MTHFD1: variants seen among roughly 807,000 people sequenced by gnomAD.
MTHFD1 encodes methylenetetrahydrofolate dehydrogenase, cyclohydrolase and formyltetrahydrofolate synthetase 1, also known as C-1-tetrahydrofolate synthase, cytoplasmic.
A neutral mutation model predicts 110.3 loss-of-function variants in MTHFD1; 44 were observed. That is an observed-to-expected ratio of 0.40 (90% CI 0.31 to 0.51). The LOEUF is 0.51. MTHFD1 is among the 20% of genes least tolerant of loss of function. The pLI is 0.60. For missense variants in MTHFD1, 909 were observed against 1,173.1 expected (o/e 0.77, Z 3.29); for synonymous variants, 402 against 428.8 (o/e 0.94, Z 0.77).
intron 8 of MTHFD1, among the ~76,000 whole-genome samples, chr14:64,421,455 C>T (rs1300173253): frequency 6.6e-6 from 1 of 152,204 alleles, no homozygotes; most frequent in African/African-American, 2.4e-5. Flanking sequence ...TAACCTCCCT[C>T]CCACTCTCCC....
chr14:64,458,088 A>C (rs542587888), intron 26 of MTHFD1, 126 bp from the exon 27 acceptor site: 1 of 786,502 alleles, frequency 1.3e-6, no homozygotes, highest in Non-Finnish European at 2.3e-6. Flanking sequence ...TGGGGGTCTC[A>C]CTATGTTGCC....
In MTHFD1 at chr14:64,454,742, T is replaced by C; in HGVS notation, c.2585T>C (p.Ile862Thr). ...YTKQGFGNLP[I>T]CMAKTHLSLS... ...CCCCAGGGCTTTGGGAATCTCCCCA[T>C]CTGCATGGCTAAAACACACTTGTCT... Residue 862 changes from isoleucine to threonine, a missense_variant, in exon 26 of 28, where the codon ATC (isoleucine) becomes ACC (threonine). By Grantham distance (89) the Ile-to-Thr change is moderately conservative. This residue lies in a region of MTHFD1 where 482 missense variants were observed against 646.0 expected (regional missense o/e 0.75). Transcript: ENST00000652337. 1.9e-6 allele frequency: 3 copies of C among 1,613,990 alleles called. No homozygotes were observed. The highest frequency in any genetic ancestry group is 2.2e-5 in the South Asian group (2 of 91,082).
intron 27 of MTHFD1, chr14:64,458,641 A>G (rs2078513416): frequency 2.6e-6 from 1 of 384,528 alleles, no homozygotes; most frequent in Non-Finnish European, 4.9e-6. Context: ...TGGGGTTCAG[A>G]GTTGATGACA....
chr14:64,419,666 T>G, intron 7 of MTHFD1, 148 bp from the exon 8 acceptor site: 3 of 683,326 alleles, frequency 4.4e-6, no homozygotes, highest in Non-Finnish European at 8.0e-6. Flanking sequence ...GTGGCTTACA[T>G]TTGAGGCCTT....
At chr14:64,419,122 TGC>T (rs1258354309) in intron 7 of MTHFD1, 1 of 155,366 alleles carries the variant, frequency 6.4e-6, no homozygotes, top group Non-Finnish European at 1.4e-5. Context: ...CTTCCTAAAG[TGC>T]TGAGATTACA....
intron 2 of MTHFD1, among the ~76,000 whole-genome samples, 176 bp from the exon 3 acceptor site, chr14:64,410,914 A>G (rs965255601): frequency 2.0e-5 from 3 of 152,108 alleles, no homozygotes; most frequent in Non-Finnish European, 4.4e-5. Flanking sequence ...CTGTAACACC[A>G]TCTGTGTTCA....
intron 13 of MTHFD1, among the ~76,000 whole-genome samples, chr14:64,430,506 CA>C (rs1264582981): frequency 5.3e-5 from 8 of 150,182 alleles, no homozygotes; most frequent in African/African-American, 2.0e-4. Context: ...CCGTGTTGGC[CA>C]AGCTGGTCTT....
intron 1 of MTHFD1, among the ~76,000 whole-genome samples, chr14:64,391,658 C>A (rs2077806522): frequency 6.6e-6 from 1 of 152,192 alleles, no homozygotes; most frequent in East Asian, 1.9e-4. Context: ...TGGGTACTTA[C>A]ATGATGGATT....
chr14:64,413,591 A>C (rs564802842), intron 4 of MTHFD1, among the ~76,000 whole-genome samples: 2 of 152,216 alleles, frequency 1.3e-5, no homozygotes, highest in Non-Finnish European at 2.9e-5. Context: ...CACTAGCCCC[A>C]TGAGGCTATT....
chr14:64,399,683 A>G (rs2077882262), intron 1 of MTHFD1, among the ~76,000 whole-genome samples: 1 of 151,884 alleles, frequency 6.6e-6, no homozygotes. Flanking sequence ...AAAAGAAAAA[A>G]GAAAAAGATT....
At chr14:64,421,624 A>AT (rs202091130) in intron 8 of MTHFD1, among the ~76,000 whole-genome samples, 198 of 145,480 alleles carry the variant, frequency 1.4e-3, no homozygotes, top group Middle Eastern at 3.5e-3. Flanking sequence ...TATTTTTTTA[A>AT]TTTTTTTTTT....
At chr14:64,388,703 G>A in intron 1 of MTHFD1, 1 of 597,646 alleles carries the variant, frequency 1.7e-6, no homozygotes, top group East Asian at 2.8e-5. Context: ...GTCCTGTGCC[G>A]ACTATGCTCC....
intron 23 of MTHFD1, 146 bp from the exon 24 acceptor site, chr14:64,449,299 G>A (rs891428074): frequency 1.8e-5 from 16 of 873,282 alleles, no homozygotes; most frequent in Admixed American, 3.9e-5. Flanking sequence ...AGTAAGTTTC[G>A]GAGCTGAGAT....
At chr14:64,412,301 C>T (rs971202009) in intron 3 of MTHFD1, among the ~76,000 whole-genome samples, 171 bp from the exon 4 acceptor site, 1 of 152,106 alleles carries the variant, frequency 6.6e-6, no homozygotes, top group Non-Finnish European at 1.5e-5. Context: ...GCAGTGGTGG[C>T]AATTAACAAG....
At chr14:64,458,436 T>TGAAGTCTGAAAAGGGGAGGGGG in intron 27 of MTHFD1, 129 bp downstream of exon 27, 1 of 744,644 alleles carries the variant, frequency 1.3e-6, no homozygotes, top group South Asian at 1.4e-5. Context: ...CAGACTTCCC[T>TGAAGTCTGAAAAGGGGAGGGGG]GAGGGGAGAG....
chr14:64,452,622 C>T, intron 24 of MTHFD1, among the ~76,000 whole-genome samples: 1 of 152,216 alleles, frequency 6.6e-6, no homozygotes, highest in East Asian at 1.9e-4. Context: ...TGGACATGCC[C>T]AATGCGTGTT....
intron 3 of MTHFD1, among the ~76,000 whole-genome samples, chr14:64,411,474 G>T (rs1172282688): frequency 6.6e-6 from 1 of 152,166 alleles, no homozygotes; most frequent in African/African-American, 2.4e-5. Flanking sequence ...CTCCGAAGAT[G>T]ATTTCGAGTT....
intron 22 of MTHFD1, among the ~76,000 whole-genome samples, chr14:64,445,736 C>A (rs1006433758): frequency 6.6e-6 from 1 of 152,176 alleles, no homozygotes. Flanking sequence ...GCCCTCCTGC[C>A]ACCCCACAGC....
At chr14:64,448,098 G>T in intron 22 of MTHFD1, 119 bp from the exon 23 acceptor site, 1 of 747,582 alleles carries the variant, frequency 1.3e-6, no homozygotes, top group African/African-American at 1.7e-5. Flanking sequence ...TTCTTTCTTG[G>T]CCTCCTTGTC....
Sources: allele counts gnomAD v4.1 joint callset (sites outside exome capture counted in the v4.1 genomes callset), GRCh38; gene constraint gnomAD v4.1.1; regional missense constraint gnomAD v4.1.1; transcripts MANE v1.5; gene names NCBI Gene and HGNC (gene_info 2026-07-23, HGNC 2026-07-21).